The following RBM5 variants were observed in gnomAD, a reference collection of about 807,000 sequenced individuals.
The protein encoded by RBM5 is RNA binding motif protein 5.
A neutral mutation model predicts 124.6 loss-of-function variants in RBM5; 15 were observed. The observed-to-expected ratio is 0.12, with a 90% CI of 0.08 to 0.19. The LOEUF is 0.19. RBM5 is among the 10% of genes least tolerant of loss of function. RBM5 has a pLI of 1.00. For synonymous variants in RBM5, 337 were observed against 361.2 expected (o/e 0.93, Z 0.76); for missense variants, 580 against 1,026.5 (o/e 0.57, Z 5.94).
rs1211957764 is a variant in RBM5, at chr3:50,096,325, A to T, written c.339+2450A>T. Among the ~76,000 whole-genome samples the T allele has an allele frequency of 2.3e-3, 8 of 3,510 alleles. No homozygotes were observed. In the African/African-American group the frequency reaches 0.06, roughly 26 times the overall value. The allele number at this position is 3,510 out of a possible 152,430, so 2.3% of individuals were successfully genotyped here. A position where few individuals can be genotyped will look rare whatever the true frequency, so the allele number is the denominator to read the frequency against. ...ACAACATGGTAAGACGCATCTCTCCAAAAAAAAAAAAAAATAGCCAGTCTT... is the reference window on the plus strand; with the variant it reads ...ACAACATGGTAAGACGCATCTCTCCTAAAAAAAAAAAAAATAGCCAGTCTT... On this transcript the variant is annotated intron_variant, in intron 4 of 24. Coordinates refer to ENST00000347869, the MANE Select transcript of RBM5 (RefSeq NM_005778.4).
chr3:50,095,901 G>A (rs2090803690), intron 4 of RBM5, among the ~76,000 whole-genome samples: 1 of 152,060 alleles, frequency 6.6e-6, no homozygotes, highest in Admixed American at 6.6e-5. Context: ...TTTTCTTGGA[G>A]TAATCAAAGT....
Position 50,115,899 on chromosome 3 carries a change from T to G in RBM5, c.2020-7T>G. 1 of 1,609,984 alleles carries G rather than the reference T, an allele frequency of 6.2e-7. No homozygotes were observed. Among genetic ancestry groups the G allele is most frequent in the Non-Finnish European group, 8.5e-7 (1 of 1,176,292 alleles). ...TCCTTACTGTGTCTTTCAAATCTTT[T>G]GTGTAGCAAAACATGGACATCTATC... On this transcript the variant is annotated splice_polypyrimidine_tract_variant and splice_region_variant and intron_variant, in intron 21 of 24. Transcript: ENST00000347869.
intron 3 of RBM5, chr3:50,092,614 C>T (rs2090724624): frequency 6.0e-6 from 2 of 335,036 alleles, no homozygotes; most frequent in East Asian, 8.3e-5. Flanking sequence ...ATAGGGATCA[C>T]CATGTACTTT....
At chr3:50,104,381 T>C in intron 8 of RBM5, 73 bp downstream of exon 8, 2 of 1,435,976 alleles carry the variant, frequency 1.4e-6, no homozygotes, top group African/African-American at 2.8e-5. Context: ...TGGCTCACTG[T>C]AATCCCACCA....
In RBM5 at chr3:50,105,205, G is replaced by A. The variant is rs947175787; in HGVS notation, c.694+63G>A. 21 of 1,358,106 alleles carry A rather than the reference G, an allele frequency of 1.5e-5. No individual in the cohort carries two copies. In the East Asian group the frequency reaches 3.5e-4, roughly 23 times the overall value. The allele number at this position is 1,358,106 out of a possible 1,614,324, so 84.1% of individuals were successfully genotyped here. A position where few individuals can be genotyped will look rare whatever the true frequency, so the allele number is the denominator to read the frequency against. ...AATTGACCTCAGTTGTCAGGAGATG[G>A]AGACCATCCTGGCTAACACGGTGAA... On this transcript the variant is annotated intron_variant, in intron 9 of 24. Transcript: ENST00000347869.
At position 50,118,816 on chromosome 3, in the gene RBM5, A is replaced by C. The variant is rs1478216738; in HGVS notation, c.*360A>C. 1 of 202,582 alleles carries C rather than the reference A, an allele frequency of 4.9e-6. No homozygotes were observed. Among genetic ancestry groups the C allele is most frequent in the Non-Finnish European group, 1.0e-5 (1 of 99,996 alleles). The allele number at this position is 202,582 out of a possible 1,614,324, so 12.5% of individuals were successfully genotyped here. ...ATGCTGTAGGTGGTATGTGACACCA[A>C]AGCCACCTCTGTCATTTGTTGTGAT... On this transcript the variant is annotated 3_prime_UTR_variant, in exon 25 of 25. Coordinates refer to ENST00000347869, the MANE Select transcript of RBM5 (RefSeq NM_005778.4).
intron 2 of RBM5, among the ~76,000 whole-genome samples, chr3:50,090,828 CAGG>C (rs1463386397): frequency 6.6e-6 from 1 of 152,138 alleles, no homozygotes. Context: ...TTGCAGAATC[CAGG>C]AGATCATACA....
At chr3:50,115,651 G>T (rs1447056867) in intron 21 of RBM5, 44 bp downstream of exon 21, 6 of 1,563,750 alleles carry the variant, frequency 3.8e-6, no homozygotes, top group Non-Finnish European at 5.2e-6. Context: ...AGGGGAGGCA[G>T]TGAGACAATT....
intron 12 of RBM5, 103 bp downstream of exon 12, chr3:50,107,672 C>CTT (rs71080575): frequency 0.021 from 2,195 of 104,448 alleles, 166 homozygotes; most frequent in Non-Finnish European, 0.025. Flanking sequence ...CTTTTCTTTT[C>CTT]TTTTTTTTTT....
intron 2 of RBM5, 105 bp downstream of exon 2, chr3:50,090,556 C>A: frequency 7.5e-7 from 1 of 1,332,462 alleles, no homozygotes; most frequent in Non-Finnish European, 1.1e-6. Context: ...TTGCGCCAGG[C>A]ATTGCTAACG....
rs770152956 is a variant in RBM5 at position 50,113,513 on chromosome 3, A to G, written c.1586A>G (p.Lys529Arg). Residue 529 changes from lysine (K) to arginine (R), a missense_variant, in exon 18 of 25, where the codon AAG becomes AGG. Lys to Arg is a conservative substitution (Grantham distance 26). Around this residue, in one of 6 missense-constraint regions of RBM5, gnomAD observed 234 missense variants for 435.1 expected, o/e 0.54. Transcript: ENST00000347869. The part of the protein sequence containing the change: ...LPPAKEGKEK[K>R]EKPKSKTAQQ... ...CCTGCAAAAGAGGGGAAAGAGAAGA[A>G]GGAGAAACCCAAGAGCAAAACAGCC... is the stretch of plus-strand genomic sequence containing the variant. 1.2e-6 allele frequency: 2 copies of G among 1,614,104 alleles called. No homozygotes were observed. The highest frequency in any genetic ancestry group is 2.2e-5 in the South Asian group (2 of 91,068).
At chr3:50,106,919 TG>T (rs1336149570) in intron 11 of RBM5, 55 bp downstream of exon 11, 1 of 1,394,388 alleles carries the variant, frequency 7.2e-7, no homozygotes, top group Non-Finnish European at 1.0e-6. Flanking sequence ...ATTTGTACAG[TG>T]TGCTAACTGA....
chr3:50,110,593 G>A, intron 16 of RBM5, 86 bp from the exon 17 acceptor site: 1 of 1,437,300 alleles, frequency 7.0e-7, no homozygotes, highest in Non-Finnish European at 9.7e-7. Flanking sequence ...AGAAACATTA[G>A]GCCTGCTGCA....
chr3:50,095,451 T>C (rs983191832), intron 4 of RBM5, among the ~76,000 whole-genome samples: 1 of 152,146 alleles, frequency 6.6e-6, no homozygotes, highest in African/African-American at 2.4e-5. Context: ...AAAAGCTTGT[T>C]AAAAAGGACG....
chr3:50,107,457 CAT>C (rs759750347), intron 11 of RBM5, 23 bp from the exon 12 acceptor site: 3 of 1,533,472 alleles, frequency 2.0e-6, no homozygotes. Flanking sequence ...GATAGAATCA[CAT>C]GATTGGATCT....
At chr3:50,109,935 G>A (rs1228490369) in intron 15 of RBM5, 5 of 371,686 alleles carry the variant, frequency 1.3e-5, no homozygotes, top group East Asian at 5.1e-5. Context: ...CGCCGGGGCC[G>A]GGTGTGGTGG....
intron 18 of RBM5, 41 bp downstream of exon 18, chr3:50,113,585 C>T: frequency 1.3e-6 from 2 of 1,558,758 alleles, no homozygotes; most frequent in Non-Finnish European, 1.7e-6. Context: ...AGGTATTGGG[C>T]TGAACTCTTA....
Position 50,110,448 on chromosome 3 carries a change from C to T in RBM5, c.1348C>T (p.Pro450Ser), listed in dbSNP as rs2091122244. 1 of 1,614,056 alleles carries T rather than the reference C, an allele frequency of 6.2e-7. No individual in the cohort carries two copies. Among genetic ancestry groups the T allele is most frequent in the South Asian group, 1.1e-5 (1 of 91,054 alleles). The part of the protein sequence containing the change: ...APAASPTGVV[P>S]GTKYAVPDTS... Reference sequence around the variant, plus strand: ...AGCCGCTTCCCCTACTGGTGTAGTTCCTGGTACCAAATATGGTAAGCCAAA... The same window carrying T: ...AGCCGCTTCCCCTACTGGTGTAGTTTCTGGTACCAAATATGGTAAGCCAAA... Residue 450 changes from proline (P) to serine (S), a missense_variant, in exon 16 of 25, where the codon CCT (proline) becomes TCT (serine). Pro to Ser is a moderately conservative substitution (Grantham distance 74). Transcript: ENST00000347869.
At position 50,117,957 on chromosome 3, in the gene RBM5, T is replaced by G. The variant is rs2091288336; in HGVS notation, c.2323-374T>G. The G allele has an allele frequency of 4.1e-6, 1 of 244,340 alleles. No individual in the cohort carries two copies. The highest frequency in any genetic ancestry group is 9.8e-5 in the East Asian group (1 of 10,248). The allele number at this position is 244,340 out of a possible 1,614,324, so 15.1% of individuals were successfully genotyped here. A position where few individuals can be genotyped will look rare whatever the true frequency, so the allele number is the denominator to read the frequency against. ...GGGAGCACAGCTTAGGTCAGACTCT[T>G]GTAGACCATGTTCATCCTGTTTATG... On this transcript the variant is annotated intron_variant, in intron 24 of 24. Coordinates refer to ENST00000347869, the MANE Select transcript of RBM5 (RefSeq NM_005778.4). This position sits in a 1 kb window ranked among gnomAD's most constrained non-coding sequence, Gnocchi z 4.2.
Sources: gnomAD v4.1 joint callset for allele counts (sites outside exome capture counted in the v4.1 genomes callset) on GRCh38, gnomAD v4.1.1 for gene constraint, gnomAD v4.1.1 regional missense constraint, Gnocchi (gnomAD v3.1) non-coding constraint, MANE v1.5 for transcripts, NCBI Gene and HGNC (gene_info 2026-07-23, HGNC 2026-07-21) for gene names.